Variants in SH3KBP1 observed in about 807,000 individuals in gnomAD.
SH3KBP1 encodes the protein SH3 domain-containing kinase-binding protein 1.
A neutral mutation model predicts 50.1 loss-of-function variants in SH3KBP1; 8 were observed. That is an observed-to-expected ratio of 0.16 (90% confidence interval 0.09 to 0.29). SH3KBP1 has a LOEUF of 0.29. Among genes scored for constraint, SH3KBP1 ranks in the 10% least tolerant of loss-of-function variants. The pLI, the probability that SH3KBP1 is intolerant of heterozygous loss-of-function variation, is 1.00. For missense variants in SH3KBP1, 377 were observed against 535.2 expected (o/e 0.70, Z 2.92); for synonymous variants, 227 against 218.6 (o/e 1.04, Z -0.34).
chrX:19,632,204 A>C (rs776397309), intron 7 of SH3KBP1, among the ~76,000 whole-genome samples: 1 of 111,208 alleles, frequency 9.0e-6, no homozygotes, highest in East Asian at 2.8e-4. Context: ...GATGCCCCTG[A>C]CTGCTTTGCT....
intron 11 of SH3KBP1, among the ~76,000 whole-genome samples, chrX:19,589,748 C>T (rs1169140641): frequency 9.1e-6 from 1 of 109,771 alleles, no homozygotes; most frequent in African/African-American, 3.3e-5. Flanking sequence ...TAAGATGGTA[C>T]TCAGGACACC....
intron 9 of SH3KBP1, among the ~76,000 whole-genome samples, chrX:19,604,742 A>G (rs762937265): frequency 8.9e-6 from 1 of 112,194 alleles, no homozygotes; most frequent in East Asian, 2.8e-4. Context: ...GTGCAGCAAT[A>G]AAGGCTGGTA....
chrX:19,635,288 A>G (rs1448296545), intron 7 of SH3KBP1, among the ~76,000 whole-genome samples: 4 of 111,120 alleles, frequency 3.6e-5, no homozygotes, highest in Non-Finnish European at 7.5e-5. Flanking sequence ...ATGAAGCTGG[A>G]AGCCATCATC....
At chrX:19,708,207 T>A (rs755202814) in intron 3 of SH3KBP1, among the ~76,000 whole-genome samples, 3 of 112,211 alleles carry the variant, frequency 2.7e-5, no homozygotes, top group Non-Finnish European at 5.6e-5. Flanking sequence ...TGTGCCCTGA[T>A]CAATATGTTT....
intron 12 of SH3KBP1, among the ~76,000 whole-genome samples, chrX:19,585,551 G>C (rs960412166): frequency 4.5e-5 from 5 of 111,466 alleles, no homozygotes; most frequent in Non-Finnish European, 9.4e-5. Context: ...TTCCAGAGGA[G>C]GGCATGCTAA....
intron 2 of SH3KBP1, among the ~76,000 whole-genome samples, chrX:19,770,942 C>T (rs755576465): frequency 9.0e-6 from 1 of 111,437 alleles, no homozygotes; most frequent in South Asian, 3.7e-4. Flanking sequence ...AGACCTTTGT[C>T]AGGTGAATAG....
chrX:19,799,651 C>T (rs1403878176), intron 2 of SH3KBP1: 3 of 1,209,203 alleles, frequency 2.5e-6, no homozygotes, highest in South Asian at 1.8e-5. Flanking sequence ...GACAAGTCTG[C>T]GGCACTTGGG....
chrX:19,539,160 G>A (rs1463288129), intron 16 of SH3KBP1, among the ~76,000 whole-genome samples: 1 of 112,027 alleles, frequency 8.9e-6, no homozygotes. Context: ...CCAAACACTG[G>A]GCAGAGAGCT....
At chrX:19,886,732 CA>C (rs1222676374) in intron 1 of SH3KBP1, among the ~76,000 whole-genome samples, 1 of 110,784 alleles carries the variant, frequency 9.0e-6, no homozygotes, top group Non-Finnish European at 1.9e-5. Context: ...AAGGGGGGCG[CA>C]AGGAGAGGAG....
chrX:19,810,663 A>G (rs1464786585), intron 2 of SH3KBP1, among the ~76,000 whole-genome samples: 3 of 112,633 alleles, frequency 2.7e-5, no homozygotes, highest in Non-Finnish European at 5.6e-5. Flanking sequence ...TTCAGCTTCA[A>G]GCTGGCAGCG....
At chrX:19,573,095 C>T (rs2066095961) in intron 12 of SH3KBP1, among the ~76,000 whole-genome samples, 1 of 111,612 alleles carries the variant, frequency 9.0e-6, no homozygotes, top group African/African-American at 3.3e-5. Context: ...TGTATTTGTA[C>T]AATAAATGCA....
intron 8 of SH3KBP1, among the ~76,000 whole-genome samples, chrX:19,623,985 C>A (rs1034823498): frequency 9.0e-6 from 1 of 111,691 alleles, no homozygotes; most frequent in African/African-American, 3.3e-5. Flanking sequence ...TATGATTTAA[C>A]CTTTAAAGAA....
chrX:19,594,916 T>C, intron 10 of SH3KBP1, 33 bp downstream of exon 10: 1 of 1,060,621 alleles, frequency 9.4e-7, no homozygotes, highest in South Asian at 1.9e-5. Context: ...GAAAGACGCA[T>C]ATTTTATTTG....
intron 13 of SH3KBP1, among the ~76,000 whole-genome samples, chrX:19,559,083 C>T (rs1446253091): frequency 2.8e-5 from 3 of 107,056 alleles, no homozygotes; most frequent in Admixed American, 1.0e-4. Flanking sequence ...GCCTGGCCAA[C>T]ATGGTGAAAC....
rs776838113 is a variant in SH3KBP1 at position 19,861,172 on chromosome X, C to T, written c.5-24890G>A. ...CGGGTAGATCACGAGGTCAGGAGAT[C>T]GAGACCATCCTGGTTAACACGGTGA... On this transcript the variant is annotated intron_variant, in intron 1 of 17. Transcript: ENST00000397821. Among the ~76,000 whole-genome samples, 64 of 110,164 alleles carry T rather than the reference C, an allele frequency of 5.8e-4. 1 individual carries two copies. Among genetic ancestry groups the T allele is most frequent in the South Asian group, 2.7e-3 (7 of 2,604 alleles).
At chrX:19,857,503 G>A (rs12011923) in intron 1 of SH3KBP1, among the ~76,000 whole-genome samples, 3,395 of 109,778 alleles carry the variant, frequency 0.031, 107 homozygotes, top group African/African-American at 0.095. Flanking sequence ...TGGGTGGATC[G>A]CTTGAGGTCA....
chrX:19,583,165 A>ATTATTT (rs1235516985), intron 12 of SH3KBP1, among the ~76,000 whole-genome samples: 4 of 96,580 alleles, frequency 4.1e-5, no homozygotes, highest in Non-Finnish European at 8.0e-5. Context: ...TATTATTATT[A>ATTATTT]TTTTTGAGAC....
At chrX:19,834,888 A>G (rs2068011790) in intron 2 of SH3KBP1, among the ~76,000 whole-genome samples, 1 of 109,734 alleles carries the variant, frequency 9.1e-6, no homozygotes, top group South Asian at 3.9e-4. Flanking sequence ...TACAAAAATT[A>G]GTCGGGCGTG....
chrX:19,612,770 T>C (rs1174973405), intron 8 of SH3KBP1, among the ~76,000 whole-genome samples: 1 of 111,448 alleles, frequency 9.0e-6, no homozygotes, highest in Non-Finnish European at 1.9e-5. Flanking sequence ...GCAGACACAG[T>C]GAATCAGAAT....
Sources: allele counts gnomAD v4.1 joint callset (sites outside exome capture counted in the v4.1 genomes callset), GRCh38; gene constraint gnomAD v4.1.1; transcripts MANE v1.5; gene names NCBI Gene and HGNC (gene_info 2026-07-23, HGNC 2026-07-21).